TXNRD1: variants seen among roughly 807,000 people sequenced by gnomAD.
TXNRD1 encodes thioredoxin reductase 1.
In TXNRD1, 57 loss-of-function variants were observed where a neutral mutation model predicts 80.3. That is an observed-to-expected ratio of 0.71 (90% CI 0.57 to 0.89). The LOEUF (loss-of-function observed/expected upper bound fraction) is 0.89. TXNRD1 is among the 40% of genes least tolerant of loss of function. The pLI, the probability that TXNRD1 is intolerant of heterozygous loss-of-function variation, is 0.00. For synonymous variants in TXNRD1, 291 were observed against 285.2 expected (o/e 1.02, Z -0.20); for missense variants, 730 against 803.0 (o/e 0.91, Z 1.10).
intron 4 of TXNRD1, among the ~76,000 whole-genome samples, chr12:104,294,191 AG>A (rs922127172): frequency 7.6e-6 from 1 of 132,340 alleles, no homozygotes; most frequent in Non-Finnish European, 1.6e-5. Context: ...CCTCCACAAG[AG>A]GTGGAGGAGC....
chr12:104,225,540 C>G (rs566228603), intron 1 of TXNRD1, among the ~76,000 whole-genome samples: 1 of 152,188 alleles, frequency 6.6e-6, no homozygotes, highest in East Asian at 1.9e-4. Flanking sequence ...TCTGCCATGC[C>G]TGTTCTCATG....
chr12:104,289,186 G>A, intron 4 of TXNRD1, 146 bp downstream of exon 4: 1 of 895,440 alleles, frequency 1.1e-6, no homozygotes, highest in Non-Finnish European at 1.6e-6. Flanking sequence ...TCGTGGGCTA[G>A]CGCATGTGTT....
At chr12:104,339,399 G>A in intron 16 of TXNRD1, 126 bp downstream of exon 16, 1 of 1,352,752 alleles carries the variant, frequency 7.4e-7, no homozygotes, top group East Asian at 2.3e-5. Context: ...AGAGGGCTTT[G>A]TCTCTAAAAA....
chr12:104,236,406 G>T (rs2032738812), intron 1 of TXNRD1, among the ~76,000 whole-genome samples: 1 of 152,276 alleles, frequency 6.6e-6, no homozygotes, highest in African/African-American at 2.4e-5. Flanking sequence ...GTTACTGTTT[G>T]TAAAGTTCAA....
At chr12:104,241,614 C>T (rs762846266) in intron 1 of TXNRD1, among the ~76,000 whole-genome samples, 36 of 152,140 alleles carry the variant, frequency 2.4e-4, no homozygotes, top group Non-Finnish European at 3.4e-4. Flanking sequence ...GTGATTTGCC[C>T]GCCTCAGCCT....
chr12:104,311,686 A>G (rs1265246574), intron 5 of TXNRD1, among the ~76,000 whole-genome samples: 1 of 152,158 alleles, frequency 6.6e-6, no homozygotes, highest in African/African-American at 2.4e-5. Flanking sequence ...TTTCAGAGAT[A>G]ATAAGGGTGT....
intron 4 of TXNRD1, among the ~76,000 whole-genome samples, chr12:104,302,433 C>T (rs978925278): frequency 3.5e-5 from 5 of 144,670 alleles, no homozygotes; most frequent in African/African-American, 1.0e-4. Context: ...GCTGTTGATG[C>T]TCATGGGTTG....
rs137963339 is a variant in TXNRD1 at position 104,249,885 on chromosome 12, G to A, written c.92-1642G>A. Among the ~76,000 whole-genome samples the A allele has an allele frequency of 5.2e-3, 716 of 137,180 alleles. 7 individuals are homozygous for A. The highest frequency in any genetic ancestry group is 0.019 in the African/African-American group (682 of 36,214). The allele number at this position is 137,180 out of a possible 152,430, so 90.0% of individuals were successfully genotyped here. A position where few individuals can be genotyped will look rare whatever the true frequency, so the allele number is the denominator to read the frequency against. On this transcript the variant is annotated intron_variant, in intron 1 of 16. Coordinates refer to ENST00000525566, the MANE Select transcript of TXNRD1 (RefSeq NM_001093771.3). ...GGGAGGCGGAGCTTGCAGTGAGGCCGAGATCGTGCCACTGTACTCCAGCCT... is the reference window on the plus strand; with the variant it reads ...GGGAGGCGGAGCTTGCAGTGAGGCCAAGATCGTGCCACTGTACTCCAGCCT...
At chr12:104,331,688 T>C (rs994559749) in intron 14 of TXNRD1, 47 bp downstream of exon 14, 1 of 1,257,382 alleles carries the variant, frequency 8.0e-7, no homozygotes, top group Non-Finnish European at 1.1e-6. Context: ...CTACTTTTTT[T>C]TCTTCAGAAT....
intron 3 of TXNRD1, chr12:104,286,710 A>G: frequency 5.0e-6 from 5 of 996,014 alleles, no homozygotes; most frequent in Non-Finnish European, 6.0e-6. Context: ...AACAGCTAGC[A>G]AAGTTCTGTA....
In TXNRD1 at chr12:104,331,476, CT is replaced by C. The variant is rs996085716; in HGVS notation, c.1543-49del. ...TGTCAATTTTGACTTTTTTGAATAC[CT>C]TTTTTTTTAAGTTATAACTTTGCCT... On this transcript the variant is annotated intron_variant, in intron 13 of 16. Coordinates refer to ENST00000525566, the MANE Select transcript of TXNRD1 (RefSeq NM_001093771.3). 1,010 of 1,152,456 alleles carry C rather than the reference CT, an allele frequency of 8.8e-4. 1 individual carries two copies. Among genetic ancestry groups the C allele is most frequent in the South Asian group, 1.2e-3 (74 of 63,486 alleles). 71.4% of individuals were successfully genotyped at this position (1,152,456 alleles called of 1,614,324 possible). A position where few individuals can be genotyped will look rare whatever the true frequency, so the allele number is the denominator to read the frequency against.
chr12:104,270,911 G>A (rs1319160459), intron 3 of TXNRD1, among the ~76,000 whole-genome samples: 1 of 151,952 alleles, frequency 6.6e-6, no homozygotes, highest in Non-Finnish European at 1.5e-5. Flanking sequence ...TACTTTGGGA[G>A]GCCGAGGGGG....
chr12:104,249,992 A>G (rs528943539), intron 1 of TXNRD1, among the ~76,000 whole-genome samples: 6 of 152,096 alleles, frequency 3.9e-5, no homozygotes, highest in East Asian at 1.9e-4. Context: ...AATAATAATA[A>G]TGATTAATAA....
chr12:104,230,475 A>T (rs1440200309), intron 1 of TXNRD1, among the ~76,000 whole-genome samples: 1 of 152,206 alleles, frequency 6.6e-6, no homozygotes, highest in Non-Finnish European at 1.5e-5. Flanking sequence ...CATCCTTGTT[A>T]ACACTAGTTA....
intron 2 of TXNRD1, among the ~76,000 whole-genome samples, chr12:104,253,890 A>G (rs759066913): frequency 1.3e-5 from 2 of 152,004 alleles, no homozygotes; most frequent in Non-Finnish European, 1.5e-5. Context: ...ATGGGGTTTC[A>G]CTATGTGGCC....
At chr12:104,285,173 A>G (rs1235069167) in intron 3 of TXNRD1, among the ~76,000 whole-genome samples, 1 of 151,994 alleles carries the variant, frequency 6.6e-6, no homozygotes, top group African/African-American at 2.4e-5. Flanking sequence ...GAGACTGTCA[A>G]ACAAACAAAC....
At chr12:104,255,205 C>T (rs981984923) in intron 2 of TXNRD1, among the ~76,000 whole-genome samples, 1 of 152,078 alleles carries the variant, frequency 6.6e-6, no homozygotes, top group Non-Finnish European at 1.5e-5. Context: ...GTTGGGCTAG[C>T]GGTCAGGATT....
chr12:104,218,621 TTTC>T (rs1407245953), intron 1 of TXNRD1, among the ~76,000 whole-genome samples: 4 of 75,226 alleles, frequency 5.3e-5, no homozygotes, highest in African/African-American at 1.5e-4. Flanking sequence ...TTTTCTTTTC[TTTC>T]TTTTTTTTTT....
chr12:104,262,928 G>A lies in TXNRD1; in HGVS notation c.304+4849G>A, dbSNP rs2033400227. ...ATCACCTCTCACAGAAAATCAAGAA[G>A]AGAAGTTGTGCTACCAGGGGATCCT... On this transcript the variant is annotated intron_variant, in intron 3 of 16. Coordinates refer to ENST00000525566, the MANE Select transcript of TXNRD1 (RefSeq NM_001093771.3). Among the ~76,000 whole-genome samples, 6 of 152,168 alleles carry A rather than the reference G, an allele frequency of 3.9e-5. No homozygotes were observed. In the South Asian group the frequency reaches 1.2e-3, roughly 31 times the overall value.
Sources: gnomAD v4.1 joint callset for allele counts (sites outside exome capture counted in the v4.1 genomes callset) on GRCh38, gnomAD v4.1.1 for gene constraint, MANE v1.5 for transcripts, NCBI Gene and HGNC (gene_info 2026-07-23, HGNC 2026-07-21) for gene names.